Variants in ALPK2 observed in about 807,000 individuals in gnomAD.
The protein encoded by ALPK2 is alpha-protein kinase 2.
ALPK2 carries 127 observed loss-of-function variants against 163.1 expected under a neutral mutation model. The ratio of observed to expected loss-of-function variants is 0.78; its 90% confidence interval spans 0.67 to 0.90. The LOEUF is 0.90. Ranked by LOEUF, ALPK2 falls within the 40% of genes least tolerant of loss-of-function variation. ALPK2 has a pLI of 0.00. For missense variants in ALPK2, 2,360 were observed against 2,589.6 expected, an observed-to-expected ratio of 0.91 and a Z score of 1.92; for synonymous variants, 953 against 959.1, an observed-to-expected ratio of 0.99 and a Z score of 0.12.
At position 58,607,394 on chromosome 18, in the gene ALPK2, A is replaced by G; in HGVS notation, c.155T>C (p.Ile52Thr). The G allele has an allele frequency of 1.2e-6, 2 of 1,613,786 alleles. No homozygotes were observed. The highest frequency in any genetic ancestry group is 1.1e-5 in the South Asian group (1 of 91,022). ...EVTWYKNGQA[I>T]DGSGIISNYE... is the part of the protein sequence containing the mutation. ...GTTGGAAATAATGCCACTCCCATCG[A>G]TGGCCTGACCATTCTTATACCAAGT... The change falls in exon 3 of 13, where the codon ATC becomes ACC. Residue 52 changes from isoleucine to threonine, a missense_variant. Transcript: ENST00000361673.
rs1478568401 is a variant in ALPK2, at chr18:58,578,731, G to GACACAC, written c.1962+82_1962+83insGTGTGT. The GACACAC allele has an allele frequency of 9.8e-3, 1,017 of 104,232 alleles. 11 individuals are homozygous for GACACAC. The African/African-American group carries it at 0.15, about 16-fold the overall frequency. 6.5% of individuals were successfully genotyped at this position (104,232 alleles called of 1,614,324 possible). On this transcript the variant is annotated intron_variant, in intron 4 of 12. Coordinates refer to ENST00000361673, the MANE Select transcript of ALPK2 (RefSeq NM_052947.4). Reference sequence around the variant, plus strand: ...CAATTGTGAATGTGAAGTAAAGGAAGAGACACACACACACACACACACACA... The same window carrying GACACAC: ...CAATTGTGAATGTGAAGTAAAGGAAGACACACAGACACACACACACACACACACACA...
At chr18:58,513,329 T>C (rs925146118) in intron 10 of ALPK2, among the ~76,000 whole-genome samples, 1 of 152,104 alleles carries the variant, frequency 6.6e-6, no homozygotes, top group African/African-American at 2.4e-5. Flanking sequence ...ACATGGAGTC[T>C]GGCCCAGAGG....
At chr18:58,485,716 T>G (rs1031664823) in intron 12 of ALPK2, among the ~76,000 whole-genome samples, 4 of 152,218 alleles carry the variant, frequency 2.6e-5, no homozygotes, top group African/African-American at 9.6e-5. Context: ...CCTGTATGCC[T>G]GAGCGCTCTC....
chr18:58,526,069 T>C (rs2051583280), intron 6 of ALPK2, among the ~76,000 whole-genome samples: 1 of 151,578 alleles, frequency 6.6e-6, no homozygotes, highest in Non-Finnish European at 1.5e-5. Context: ...TAGAAAGCAG[T>C]AACAAGTGAT....
chr18:58,598,498 G>T (rs1161851766), intron 3 of ALPK2, among the ~76,000 whole-genome samples: 2 of 152,204 alleles, frequency 1.3e-5, no homozygotes, highest in East Asian at 3.8e-4. Context: ...AGGCAGGGAG[G>T]CCTTGGGGCT....
intron 4 of ALPK2, among the ~76,000 whole-genome samples, chr18:58,563,021 C>T (rs567548421): frequency 6.6e-6 from 1 of 152,348 alleles, no homozygotes; most frequent in East Asian, 1.9e-4. Flanking sequence ...GGGTTACAAA[C>T]ATTAGCCCAT....
chr18:58,501,384 C>T (rs1277370726), intron 11 of ALPK2, among the ~76,000 whole-genome samples: 2 of 152,192 alleles, frequency 1.3e-5, no homozygotes, highest in Non-Finnish European at 2.9e-5. Context: ...TCTGTTAAGA[C>T]CATATGTTTT....
At chr18:58,571,525 A>G (rs1568088767) in intron 4 of ALPK2, among the ~76,000 whole-genome samples, 1 of 152,100 alleles carries the variant, frequency 6.6e-6, no homozygotes, top group African/African-American at 2.4e-5. Flanking sequence ...ACATAAAGCT[A>G]TAAAACCTAG....
At chr18:58,558,635 A>G (rs2051807187) in intron 4 of ALPK2, among the ~76,000 whole-genome samples, 1 of 152,254 alleles carries the variant, frequency 6.6e-6, no homozygotes, top group Non-Finnish European at 1.5e-5. Flanking sequence ...AAATGTTCAT[A>G]GCAGCATTAC....
intron 4 of ALPK2, among the ~76,000 whole-genome samples, chr18:58,538,991 C>T (rs749919857): frequency 1.3e-5 from 2 of 152,072 alleles, no homozygotes; most frequent in Non-Finnish European, 2.9e-5. Flanking sequence ...AGGCCCTCAC[C>T]AGATGCAGAT....
At chr18:58,608,399 C>T (rs1314205121) in intron 2 of ALPK2, among the ~76,000 whole-genome samples, 3 of 152,200 alleles carry the variant, frequency 2.0e-5, no homozygotes, top group Admixed American at 6.5e-5. Flanking sequence ...GTAAAACCTC[C>T]GGGAATTTCA....
intron 8 of ALPK2, among the ~76,000 whole-genome samples, chr18:58,522,262 T>A (rs1181718950): frequency 1.3e-5 from 2 of 152,184 alleles, no homozygotes; most frequent in African/African-American, 4.8e-5. Flanking sequence ...TGATGTGTGA[T>A]GTCACACTGG....
chr18:58,488,138 G>GGA (rs2051350083), intron 12 of ALPK2, among the ~76,000 whole-genome samples: 1 of 152,004 alleles, frequency 6.6e-6, no homozygotes. Flanking sequence ...ATTTGACTTT[G>GGA]GAAATGCCTT....
At chr18:58,487,582 A>G (rs534087558) in intron 12 of ALPK2, among the ~76,000 whole-genome samples, 2 of 152,352 alleles carry the variant, frequency 1.3e-5, no homozygotes, top group South Asian at 4.1e-4. Context: ...TTTCATTTTT[A>G]AAAATCTTAA....
intron 3 of ALPK2, among the ~76,000 whole-genome samples, chr18:58,594,944 A>G (rs1478799048): frequency 6.6e-6 from 1 of 152,202 alleles, no homozygotes; most frequent in Non-Finnish European, 1.5e-5. Flanking sequence ...CACATCACTG[A>G]GATAAGAGTC....
rs1000661196 is a variant in ALPK2, at chr18:58,524,160, C to G, written c.5502-98G>C. Reference sequence around the variant, plus strand: ...AGAAAGAAGCTAAGACTTCCCTGCTCACATGTTTTCAGCCAGTGAGCTGCC... The same window carrying G: ...AGAAAGAAGCTAAGACTTCCCTGCTGACATGTTTTCAGCCAGTGAGCTGCC... On this transcript the variant is annotated intron_variant, in intron 6 of 12. Transcript: ENST00000361673. The G allele has an allele frequency of 1.4e-5, 20 of 1,474,376 alleles. No individual in the cohort carries two copies. The African/African-American group carries it at 2.7e-4, about 20-fold the overall frequency. 91.3% of individuals were successfully genotyped at this position (1,474,376 alleles called of 1,614,324 possible).
chr18:58,484,752 T>TATAATA (rs112129757), intron 12 of ALPK2, among the ~76,000 whole-genome samples: 6,944 of 149,748 alleles, frequency 0.046, 477 homozygotes, highest in African/African-American at 0.15. Flanking sequence ...CAAAAAATAA[T>TATAATA]ATAATAATAA....
At chr18:58,551,122 C>A (rs9797329) in intron 4 of ALPK2, among the ~76,000 whole-genome samples, 86,337 of 150,292 alleles carry the variant, frequency 0.57, 25,237 homozygotes, top group East Asian at 0.84. Flanking sequence ...AAAAAAAAAA[C>A]CCACATTTTT....
chr18:58,494,596 A>C (rs1428145412), intron 12 of ALPK2, among the ~76,000 whole-genome samples: 2 of 152,078 alleles, frequency 1.3e-5, no homozygotes, highest in Non-Finnish European at 2.9e-5. Context: ...CACACGGAGC[A>C]CTGCTTCTTA....
Sources: allele counts gnomAD v4.1 joint callset (sites outside exome capture counted in the v4.1 genomes callset), GRCh38; gene constraint gnomAD v4.1.1; transcripts MANE v1.5; gene names NCBI Gene and HGNC (gene_info 2026-07-23, HGNC 2026-07-21).